The following BTF3L4 variants were observed in gnomAD, a reference collection of about 807,000 sequenced individuals.
BTF3L4 encodes the protein transcription factor BTF3 homolog 4.
In BTF3L4, 6 loss-of-function variants were observed where a neutral mutation model predicts 16.8. The ratio of observed to expected loss-of-function variants is 0.36; its 90% CI spans 0.20 to 0.71. The LOEUF (loss-of-function observed/expected upper bound fraction) is 0.71, where lower values mean the gene tolerates loss of function less well. BTF3L4 is among the 30% of genes least tolerant of loss of function. The probability of loss-of-function intolerance (pLI) is 0.58; values close to 1 mark genes in which losing one functional copy is unlikely to be tolerated. For missense variants in BTF3L4, 92 were observed against 186.9 expected, an observed-to-expected ratio of 0.49 and a Z score of 2.96; for synonymous variants, 39 against 59.8, an observed-to-expected ratio of 0.65 and a Z score of 1.60.
rs1465614201 is a variant in BTF3L4 at position 52,056,299 on chromosome 1, C to G, written c.-94C>G. On this transcript the variant is annotated 5_prime_UTR_variant, in exon 1 of 6. Coordinates refer to ENST00000313334, the MANE Select transcript of BTF3L4 (RefSeq NM_152265.5). ...TCTGCTCCCGCCGCCGCCGCCGCCGCCGTCGTCTTTCTCTGTCTCGGCTGA... is the reference window on the plus strand; with the variant it reads ...TCTGCTCCCGCCGCCGCCGCCGCCGGCGTCGTCTTTCTCTGTCTCGGCTGA... The G allele has an allele frequency of 1.3e-4, 21 of 156,628 alleles. No homozygotes were observed. The highest frequency in any genetic ancestry group is 1.2e-3 in the Admixed American group (19 of 15,318). 9.7% of individuals were successfully genotyped at this position (156,628 alleles called of 1,614,324 possible). A position where few individuals can be genotyped will look rare whatever the true frequency, so the allele number is the denominator to read the frequency against.
chr1:52,077,922 A>C (rs913106463), intron 3 of BTF3L4, among the ~76,000 whole-genome samples: 1 of 152,162 alleles, frequency 6.6e-6, no homozygotes, highest in Non-Finnish European at 1.5e-5. Context: ...GCTGATTCTG[A>C]AAGGTCAAAA....
Position 52,075,270 on chromosome 1 carries a change from T to TG in BTF3L4, c.169-8067dup, listed in dbSNP as rs1235683574. On this transcript the variant is annotated intron_variant, in intron 3 of 5. Coordinates refer to ENST00000313334, the MANE Select transcript of BTF3L4 (RefSeq NM_152265.5). ...TTTTCTATATATAAATATATCTCTC[T>TG]GGGCCGGGCGCGGTGGCTCACGCCT... Among the ~76,000 whole-genome samples the TG allele has an allele frequency of 4.0e-5, 6 of 151,672 alleles. No homozygotes were observed. In the East Asian group the frequency reaches 1.2e-3, roughly 29 times the overall value.
intron 2 of BTF3L4, among the ~76,000 whole-genome samples, chr1:52,061,482 C>G (rs556432378): frequency 7.7e-6 from 1 of 130,112 alleles, no homozygotes; most frequent in Non-Finnish European, 1.6e-5. Context: ...AGCAAGACTC[C>G]GTCTCAAAAA....
intron 3 of BTF3L4, among the ~76,000 whole-genome samples, chr1:52,068,443 T>C (rs1239425409): frequency 6.6e-6 from 1 of 152,170 alleles, no homozygotes; most frequent in Non-Finnish European, 1.5e-5. Flanking sequence ...TATCGTACCA[T>C]TTCAGCTTCA....
At chr1:52,083,246 G>C (rs151133552) in intron 3 of BTF3L4, 94 bp from the exon 4 acceptor site, 5 of 1,047,628 alleles carry the variant, frequency 4.8e-6, no homozygotes, top group Non-Finnish European at 7.2e-6. Context: ...TAACTACCAA[G>C]TAAAGAACCA....
chr1:52,061,964 T>C (rs1482414240), intron 2 of BTF3L4, among the ~76,000 whole-genome samples: 2 of 149,962 alleles, frequency 1.3e-5, no homozygotes, highest in Non-Finnish European at 3.0e-5. Context: ...TAAGATGGAA[T>C]CTCTCTCTGT....
chr1:52,088,756 A>G lies in BTF3L4; in HGVS notation c.*1998A>G, dbSNP rs907516666. The G allele has an allele frequency of 1.3e-5, 2 of 152,136 alleles. No individual in the cohort carries two copies. Among genetic ancestry groups the G allele is most frequent in the Admixed American group, 1.3e-4 (2 of 15,262 alleles). 9.4% of individuals were successfully genotyped at this position (152,136 alleles called of 1,614,324 possible). The stretch of plus-strand genomic sequence containing the variant: ...TCATCTAACTACTCTGAAATTTATC[A>G]TCAGTCAAATAAGATTTTATTCTGT... On this transcript the variant is annotated 3_prime_UTR_variant, in exon 6 of 6. Coordinates refer to ENST00000313334, the MANE Select transcript of BTF3L4 (RefSeq NM_152265.5).
chr1:52,059,078 C>T (rs1010886519), intron 1 of BTF3L4, among the ~76,000 whole-genome samples: 1 of 151,670 alleles, frequency 6.6e-6, no homozygotes, highest in Non-Finnish European at 1.5e-5. Context: ...CTCTCTGCCC[C>T]CCCCCAACAT....
rs1644009609 is a variant in BTF3L4 at position 52,090,562 on chromosome 1, A to G, written c.*3804A>G. 1 of 152,194 alleles carries G rather than the reference A, an allele frequency of 6.6e-6. No homozygotes were observed. The highest frequency in any genetic ancestry group is 1.5e-5 in the Non-Finnish European group (1 of 68,036). The allele number at this position is 152,194 out of a possible 1,614,324, so 9.4% of individuals were successfully genotyped here. A position where few individuals can be genotyped will look rare whatever the true frequency, so the allele number is the denominator to read the frequency against. The stretch of plus-strand genomic sequence containing the variant: ...CCTATCTGAGCATGTCCTTACATTT[A>G]CTTCCAGCATACTATTCATTTGCCA... On this transcript the variant is annotated 3_prime_UTR_variant, in exon 6 of 6. Transcript: ENST00000313334.
intron 3 of BTF3L4, among the ~76,000 whole-genome samples, chr1:52,079,274 T>A (rs1687005720): frequency 6.6e-6 from 1 of 151,756 alleles, no homozygotes; most frequent in East Asian, 1.9e-4. Flanking sequence ...TCCCAGCTAC[T>A]TGGGAGGCTG....
chr1:52,065,746 T>C (rs1686630767), intron 3 of BTF3L4, among the ~76,000 whole-genome samples: 1 of 152,128 alleles, frequency 6.6e-6, no homozygotes, highest in Non-Finnish European at 1.5e-5. Flanking sequence ...TTGTTTAAAA[T>C]GTATTAGTCA....
rs889721874 is a variant in BTF3L4, at chr1:52,090,091, A to C, written c.*3333A>C. The C allele has an allele frequency of 6.6e-6, 1 of 152,176 alleles. No individual in the cohort carries two copies. Among genetic ancestry groups the C allele is most frequent in the African/African-American group, 2.4e-5 (1 of 41,436 alleles). The allele number at this position is 152,176 out of a possible 1,614,324, so 9.4% of individuals were successfully genotyped here. On this transcript the variant is annotated 3_prime_UTR_variant, in exon 6 of 6. Coordinates refer to ENST00000313334, the MANE Select transcript of BTF3L4 (RefSeq NM_152265.5). ...ACCCTTACATTGTAACCTTTCTGAC[A>C]GGGCTGCTGCGGTGCACAACTTCGG...
At chr1:52,061,543 G>A (rs1686510028) in intron 2 of BTF3L4, among the ~76,000 whole-genome samples, 1 of 150,758 alleles carries the variant, frequency 6.6e-6, no homozygotes. Context: ...AGAGTAAAAA[G>A]GGTTGTCATT....
At chr1:52,073,405 G>C (rs1686842654) in intron 3 of BTF3L4, among the ~76,000 whole-genome samples, 1 of 151,824 alleles carries the variant, frequency 6.6e-6, no homozygotes, top group African/African-American at 2.4e-5. Flanking sequence ...CACCCAGAGA[G>C]AGCTACTATT....
intron 3 of BTF3L4, among the ~76,000 whole-genome samples, chr1:52,075,601 AATTATAT>A (rs1231735294): frequency 6.8e-5 from 10 of 147,472 alleles, no homozygotes; most frequent in Non-Finnish European, 1.5e-4. Context: ...AAATTATAGT[AATTATAT>A]ATTATATGTA....
intron 1 of BTF3L4, among the ~76,000 whole-genome samples, 168 bp downstream of exon 1, chr1:52,056,547 A>C (rs1375930964): frequency 6.6e-6 from 1 of 152,222 alleles, no homozygotes; most frequent in Non-Finnish European, 1.5e-5. Flanking sequence ...CCGGCGGCGC[A>C]GCTGGGGGTC....
At chr1:52,079,928 A>G (rs930732962) in intron 3 of BTF3L4, among the ~76,000 whole-genome samples, 3 of 146,156 alleles carry the variant, frequency 2.1e-5, no homozygotes, top group African/African-American at 5.1e-5. Flanking sequence ...CTAGAGTGCA[A>G]TGGCATGATC....
At chr1:52,086,198 A>G in intron 5 of BTF3L4, 27 bp downstream of exon 5, 1 of 1,559,956 alleles carries the variant, frequency 6.4e-7, no homozygotes, top group Non-Finnish European at 8.8e-7. Flanking sequence ...TAGACTTAAG[A>G]TTTTAAGCAT....
intron 4 of BTF3L4, among the ~76,000 whole-genome samples, chr1:52,083,812 G>A (rs1643945278): frequency 6.6e-6 from 1 of 152,112 alleles, no homozygotes; most frequent in African/African-American, 2.4e-5. Flanking sequence ...CTGAGGTCAG[G>A]AGTTCGAGAC....
Sources: allele counts gnomAD v4.1 joint callset (sites outside exome capture counted in the v4.1 genomes callset), GRCh38; gene constraint gnomAD v4.1.1; transcripts MANE v1.5; gene names NCBI Gene and HGNC (gene_info 2026-07-23, HGNC 2026-07-21).